Variants in RTKN2 observed in about 807,000 individuals in gnomAD.
RTKN2 encodes the protein rhotekin-2.
A neutral mutation model predicts 71.5 loss-of-function variants in RTKN2; 69 were observed. The ratio of observed to expected loss-of-function variants is 0.96; its 90% CI spans 0.79 to 1.18. The LOEUF (loss-of-function observed/expected upper bound fraction) is 1.18, where lower values mean the gene tolerates loss of function less well. Ranked by LOEUF, RTKN2 falls within the 50% of genes most tolerant of loss-of-function variation. RTKN2 has a pLI of 0.00. For missense variants in RTKN2, 724 were observed against 719.7 expected (o/e 1.01, Z -0.07); for synonymous variants, 236 against 236.5 (o/e 1.00, Z 0.02).
chr10:62,187,392 C>T (rs142681686), intron 8 of RTKN2, among the ~76,000 whole-genome samples: 479 of 152,298 alleles, frequency 3.1e-3, no homozygotes, highest in African/African-American at 0.011. Flanking sequence ...TGAGGTTTGC[C>T]TGAAGCCCCT....
At chr10:62,191,209 G>A (rs1391958581), downstream of RTKN2, among the ~76,000 whole-genome samples, 1 of 152,076 alleles carries the variant, frequency 6.6e-6, no homozygotes, top group Admixed American at 6.6e-5. Flanking sequence ...ACAGTTCATC[G>A]CAGCTGGAAC....
chr10:62,259,742 G>C (rs1022373778), intron 2 of RTKN2, among the ~76,000 whole-genome samples: 12 of 152,102 alleles, frequency 7.9e-5, no homozygotes, highest in Non-Finnish European at 1.3e-4. Context: ...TGTAGAGACA[G>C]GTTTTTGCCA....
intron 2 of RTKN2, among the ~76,000 whole-genome samples, chr10:62,260,534 ATGTG>A (rs3080116): frequency 7.3e-5 from 11 of 150,916 alleles, no homozygotes; most frequent in African/African-American, 9.7e-5. Context: ...GAACAAATAT[ATGTG>A]TGTGTGTGTG....
At position 62,239,697 on chromosome 10, in the gene RTKN2, TCAC is replaced by T. The variant is rs766758736; in HGVS notation, c.436_438del (p.Val146del). 5.1e-6 allele frequency: 8 copies of T among 1,583,116 alleles called. No individual in the cohort carries two copies. Among genetic ancestry groups the T allele is most frequent in the Non-Finnish European group, 5.2e-6 (6 of 1,161,356 alleles). ...ATATCTGTGATTGTTTTATCCACAT[TCAC>T]CACATCAGTATCAAACACATTAGCT... is the stretch of plus-strand genomic sequence containing the variant. On this transcript the variant is annotated inframe_deletion, in exon 5 of 12. Transcript: ENST00000373789.
rs868011409 is a variant in RTKN2 at position 62,195,626 on chromosome 10, G to A, written c.*2282C>T. On this transcript the variant is annotated 3_prime_UTR_variant, in exon 12 of 12. Coordinates refer to ENST00000373789, the MANE Select transcript of RTKN2 (RefSeq NM_145307.4). ...GGGAATGAAGGAAGGAAGGAAGGAAGGAAGGAAGGAAGGAAGGAAGGAAGG... is the reference window on the plus strand; with the variant it reads ...GGGAATGAAGGAAGGAAGGAAGGAAAGAAGGAAGGAAGGAAGGAAGGAAGG... The A allele has an allele frequency of 5.0e-6, 1 of 201,742 alleles. No individual in the cohort carries two copies. The highest frequency in any genetic ancestry group is 7.1e-6 in the Non-Finnish European group (1 of 139,936). 12.5% of individuals were successfully genotyped at this position (201,742 alleles called of 1,614,324 possible).
intron 11 of RTKN2, among the ~76,000 whole-genome samples, chr10:62,198,849 C>T (rs945246237): frequency 6.6e-6 from 1 of 152,048 alleles, no homozygotes; most frequent in Admixed American, 6.6e-5. Flanking sequence ...ATTCTGACTG[C>T]TAGGTAAGAG....
rs537818574 is a variant in RTKN2 at position 62,268,501 on chromosome 10, A to T, written c.60+50T>A. On this transcript the variant is annotated intron_variant, in intron 1 of 11. Transcript: ENST00000373789. Reference sequence around the variant, plus strand: ...TCCACAAAGCAAATGCGCGAGGAACAGAACCCCGGCTCCCTCACCTTCCGC... The same window carrying T: ...TCCACAAAGCAAATGCGCGAGGAACTGAACCCCGGCTCCCTCACCTTCCGC... The T allele has an allele frequency of 1.3e-5, 20 of 1,516,190 alleles. No individual in the cohort carries two copies. The South Asian group carries it at 2.3e-4, about 17-fold the overall frequency. 93.9% of individuals were successfully genotyped at this position (1,516,190 alleles called of 1,614,324 possible).
In RTKN2 at chr10:62,198,149, C is replaced by T; in HGVS notation, c.1589G>A (p.Trp530Ter). ...TGTCTGAGATACACTTGTTTTTCCC[C>T]AGTTGTCCTTAACCAATTGATCTGT... is the stretch of plus-strand genomic sequence containing the variant. Reference protein sequence around the residue: ...SNTDQLVKDNWGKTSVSQTSS... With the variant: ...SNTDQLVKDN Residue 530 changes from tryptophan to a stop codon, truncating the protein, a stop_gained, in exon 12 of 12, where the codon TGG (tryptophan) becomes TAG (stop). Coordinates refer to ENST00000373789, the MANE Select transcript of RTKN2 (RefSeq NM_145307.4). LOFTEE classifies it high-confidence loss of function. 6.2e-7 allele frequency: 1 copy of T among 1,614,136 alleles called. No individual in the cohort carries two copies.
At position 62,195,397 on chromosome 10, in the gene RTKN2, A is replaced by G. The variant is rs369122770; in HGVS notation, c.*2511T>C. 2 of 983,422 alleles carry G rather than the reference A, an allele frequency of 2.0e-6. No individual in the cohort carries two copies. The highest frequency in any genetic ancestry group is 2.3e-4 in the East Asian group (2 of 8,804). The allele number at this position is 983,422 out of a possible 1,614,324, so 60.9% of individuals were successfully genotyped here. A position where few individuals can be genotyped will look rare whatever the true frequency, so the allele number is the denominator to read the frequency against. ...AACTTCTGGTTTAAGAAATGAGAAAACAAACAATTCTTTTGAAACACTCTT... is the reference window on the plus strand; with the variant it reads ...AACTTCTGGTTTAAGAAATGAGAAAGCAAACAATTCTTTTGAAACACTCTT... On this transcript the variant is annotated 3_prime_UTR_variant, in exon 12 of 12. Transcript: ENST00000373789.
rs10995079 is a variant in RTKN2 at position 62,194,214 on chromosome 10, C to T, written c.*3694G>A. 33,214 of 984,434 alleles carry T rather than the reference C, an allele frequency of 0.034. 1,589 individuals carry two copies. In the East Asian group the frequency reaches 0.4, roughly 12 times the overall value. The allele number at this position is 984,434 out of a possible 1,614,324, so 61.0% of individuals were successfully genotyped here. A position where few individuals can be genotyped will look rare whatever the true frequency, so the allele number is the denominator to read the frequency against. ...ACCCTAATATATTTTCAAATGATGA[C>T]TTGTCTTTTAAAAACCCAAAGGTAA... On this transcript the variant is annotated 3_prime_UTR_variant, in exon 12 of 12. Coordinates refer to ENST00000373789, the MANE Select transcript of RTKN2 (RefSeq NM_145307.4).
chr10:62,237,139 A>G (rs1589368930), intron 5 of RTKN2, among the ~76,000 whole-genome samples: 1 of 151,956 alleles, frequency 6.6e-6, no homozygotes, highest in Non-Finnish European at 1.5e-5. Flanking sequence ...ACAAAAAGTA[A>G]CTATGTGAGA....
At chr10:62,252,051 CAAT>C (rs1490304845) in intron 2 of RTKN2, among the ~76,000 whole-genome samples, 2 of 151,816 alleles carry the variant, frequency 1.3e-5, no homozygotes, top group Non-Finnish European at 2.9e-5. Flanking sequence ...AAAAACAAAA[CAAT>C]GAGATAGAAA....
chr10:62,268,600 G>A lies in RTKN2; in HGVS notation c.11C>T (p.Pro4Leu). The change falls in exon 1 of 12, where the codon CCG becomes CTG. Residue 4 changes from proline (P) to leucine (L), a missense_variant. Physicochemically the swap from Pro to Leu is moderately conservative, Grantham distance 98. Transcript: ENST00000373789. MEGPSLRGPALRLA... is the reference protein window; with the variant it reads MEGLSLRGPALRLA... Reference sequence around the variant, plus strand: ...GCGGAGCGCAGGACCCCTCAGGCTCGGCCCCTCCATCTCCAACGCGAACTG... The same window carrying A: ...GCGGAGCGCAGGACCCCTCAGGCTCAGCCCCTCCATCTCCAACGCGAACTG... 1 of 1,564,194 alleles carries A rather than the reference G, an allele frequency of 6.4e-7. No homozygotes were observed. Among genetic ancestry groups the A allele is most frequent in the Non-Finnish European group, 8.7e-7 (1 of 1,154,198 alleles).
rs1218119515 is a variant in RTKN2, at chr10:62,245,798, C to T, written c.316+201G>A. Among the ~76,000 whole-genome samples the T allele has an allele frequency of 2.2e-5, 3 of 137,592 alleles. No homozygotes were observed. The East Asian group carries it at 7.4e-4, about 34-fold the overall frequency. The allele number at this position is 137,592 out of a possible 152,430, so 90.3% of individuals were successfully genotyped here. On this transcript the variant is annotated intron_variant, in intron 3 of 11. Transcript: ENST00000373789. ...AGGGAGAAAACTGTAGAGTATGTAA[C>T]ATATGAAACAGTTTTCTTAAACTCT... is the stretch of plus-strand genomic sequence containing the variant.
intron 2 of RTKN2, among the ~76,000 whole-genome samples, chr10:62,260,990 T>C (rs1023299185): frequency 6.6e-5 from 10 of 152,156 alleles, no homozygotes; most frequent in Admixed American, 1.3e-4. Flanking sequence ...AACCTCCAAA[T>C]ACTCCACTAT....
intron 1 of RTKN2, among the ~76,000 whole-genome samples, chr10:62,264,730 G>T (rs1842838042): frequency 6.6e-6 from 1 of 152,134 alleles, no homozygotes; most frequent in African/African-American, 2.4e-5. Flanking sequence ...CTCAAAGCTG[G>T]CTGCATATTA....
At chr10:62,251,825 G>A (rs542371203) in intron 2 of RTKN2, among the ~76,000 whole-genome samples, 16 of 151,876 alleles carry the variant, frequency 1.1e-4, no homozygotes, top group Admixed American at 5.9e-4. Context: ...AGAGAAACTG[G>A]AAAAATAAAA....
At chr10:62,230,275 G>A (rs1420564756) in intron 6 of RTKN2, among the ~76,000 whole-genome samples, 2 of 152,114 alleles carry the variant, frequency 1.3e-5, no homozygotes, top group Non-Finnish European at 2.9e-5. Flanking sequence ...GCGTTCAAGC[G>A]ATTCTCCTGC....
intron 3 of RTKN2, among the ~76,000 whole-genome samples, chr10:62,245,624 T>C (rs1842463802): frequency 2.0e-5 from 3 of 152,136 alleles, no homozygotes; most frequent in Admixed American, 6.6e-5. Context: ...ATGGAACTTC[T>C]GACCTAGACA....
Sources: gnomAD v4.1 joint callset for allele counts (sites outside exome capture counted in the v4.1 genomes callset) on GRCh38, gnomAD v4.1.1 for gene constraint, MANE v1.5 for transcripts, NCBI Gene and HGNC (gene_info 2026-07-23, HGNC 2026-07-21) for gene names.